The following FMN1 variants were observed in gnomAD, a reference collection of about 807,000 sequenced individuals.
FMN1 encodes the protein formin 1.
In FMN1, 110 loss-of-function variants were observed where a neutral mutation model predicts 132.4. That is an observed-to-expected ratio of 0.83 (90% confidence interval 0.71 to 0.97). FMN1 has a LOEUF of 0.97. FMN1 is among the 50% of genes least tolerant of loss of function. The probability of loss-of-function intolerance (pLI) is 0.00; values close to 1 mark genes in which losing one functional copy is unlikely to be tolerated. For synonymous variants in FMN1, 722 were observed against 651.7 expected, an observed-to-expected ratio of 1.11 and a Z score of -1.64; for missense variants, 1,792 against 1,705.3, an observed-to-expected ratio of 1.05 and a Z score of -0.90.
chr15:33,082,325 G>A (rs774458910), intron 5 of FMN1, among the ~76,000 whole-genome samples: 21 of 151,840 alleles, frequency 1.4e-4, no homozygotes, highest in Non-Finnish European at 2.1e-4. Context: ...CACCTGCCTC[G>A]GCCTCCCAAA....
chr15:33,017,589 A>G (rs7176377), intron 6 of FMN1, among the ~76,000 whole-genome samples: 2,247 of 152,346 alleles, frequency 0.015, 64 homozygotes, highest in African/African-American at 0.052. Flanking sequence ...ATATTGGACA[A>G]TAACTGGGAG....
chr15:33,016,416 T>G (rs2035048855), intron 6 of FMN1, among the ~76,000 whole-genome samples: 1 of 152,228 alleles, frequency 6.6e-6, no homozygotes, highest in South Asian at 2.1e-4. Flanking sequence ...TGCAGCCTGG[T>G]CTTGGGGCCC....
intron 4 of FMN1, among the ~76,000 whole-genome samples, chr15:33,108,308 A>G (rs1312226471): frequency 6.6e-6 from 1 of 152,124 alleles, no homozygotes; most frequent in Non-Finnish European, 1.5e-5. Context: ...ATGGAGGGGG[A>G]AAAACATAAA....
Position 33,154,009 on chromosome 15 carries a change from A to G in FMN1, c.906T>C (p.Pro302=), listed in dbSNP as rs1264229864. ...CCTTTTCTGCCTCTGGATGCTTCTC[A>G]GGGTCCTGGTGACTTTCAGACAAAC... ...QTGLSESHQD[P]EKHPEAEKDE... The change falls in exon 4 of 21, where the codon CCT becomes CCC. Residue 302 remains proline, a synonymous_variant. Coordinates refer to ENST00000616417, the MANE Select transcript of FMN1 (RefSeq NM_001277313.2). 1.0e-5 allele frequency: 16 copies of G among 1,536,412 alleles called. No homozygotes were observed. Among genetic ancestry groups the G allele is most frequent in the Non-Finnish European group, 1.4e-5 (16 of 1,147,026 alleles).
chr15:32,926,342 T>G, intron 9 of FMN1, 81 bp from the exon 10 acceptor site: 1 of 711,214 alleles, frequency 1.4e-6, no homozygotes. Flanking sequence ...AAACATTAAA[T>G]TTTTTTAGAT....
At chr15:32,837,775 C>T (rs566856839) in intron 17 of FMN1, among the ~76,000 whole-genome samples, 116 of 152,274 alleles carry the variant, frequency 7.6e-4, no homozygotes, top group Admixed American at 1.5e-3. Flanking sequence ...CAGAGTCTCA[C>T]ATATAGTAGA....
intron 19 of FMN1, among the ~76,000 whole-genome samples, chr15:32,778,437 C>G (rs186225794): frequency 8.8e-4 from 134 of 151,692 alleles, no homozygotes; most frequent in Non-Finnish European, 1.7e-3. Flanking sequence ...ACAGAAAGAA[C>G]TCTTACAATT....
intron 9 of FMN1, among the ~76,000 whole-genome samples, chr15:32,933,552 A>T (rs1359612313): frequency 6.6e-6 from 1 of 152,104 alleles, no homozygotes; most frequent in Non-Finnish European, 1.5e-5. Flanking sequence ...TACATCATTT[A>T]TCAAAAGTGG....
intron 17 of FMN1, among the ~76,000 whole-genome samples, chr15:32,847,275 T>A (rs112855948): frequency 1.1e-5 from 1 of 94,614 alleles, no homozygotes; most frequent in Non-Finnish European, 2.4e-5. Flanking sequence ...GATGTAGGGG[T>A]GTGTGTGTGT....
intron 5 of FMN1, among the ~76,000 whole-genome samples, chr15:33,069,260 C>G (rs1277969005): frequency 6.6e-6 from 1 of 152,202 alleles, no homozygotes; most frequent in African/African-American, 2.4e-5. Flanking sequence ...AGCCCTGTTT[C>G]CTAGCTGCAT....
chr15:32,954,938 G>C (rs2061731389), intron 9 of FMN1, among the ~76,000 whole-genome samples: 2 of 152,202 alleles, frequency 1.3e-5, no homozygotes, highest in South Asian at 4.2e-4. Context: ...AACCTGAGAG[G>C]TGGAGGTTGC....
At chr15:32,867,402 T>G (rs545763882) in intron 16 of FMN1, among the ~76,000 whole-genome samples, 25 of 152,294 alleles carry the variant, frequency 1.6e-4, no homozygotes, top group African/African-American at 5.3e-4. Context: ...GCTCACTTCT[T>G]CCCATTATGG....
At chr15:32,822,263 C>T (rs2058238493) in intron 17 of FMN1, among the ~76,000 whole-genome samples, 1 of 152,170 alleles carries the variant, frequency 6.6e-6, no homozygotes, top group Non-Finnish European at 1.5e-5. Flanking sequence ...GCAGGAGAAT[C>T]ACGTGAACCC....
At chr15:32,828,030 T>C (rs1314383198) in intron 17 of FMN1, among the ~76,000 whole-genome samples, 1 of 152,174 alleles carries the variant, frequency 6.6e-6, no homozygotes, top group African/African-American at 2.4e-5. Context: ...TGGTGGCTCA[T>C]GCCTGTAATC....
intron 7 of FMN1, among the ~76,000 whole-genome samples, chr15:32,995,801 G>A (rs2033733296): frequency 6.6e-6 from 1 of 152,186 alleles, no homozygotes; most frequent in South Asian, 2.1e-4. Context: ...CCCCAGATCT[G>A]TGTTTTAACT....
chr15:32,838,600 T>C (rs2058678493), intron 17 of FMN1, among the ~76,000 whole-genome samples: 1 of 152,218 alleles, frequency 6.6e-6, no homozygotes, highest in South Asian at 2.1e-4. Flanking sequence ...AAGCCCCGCT[T>C]AAAGCGGGAG....
chr15:32,990,193 C>A (rs1003134905), intron 7 of FMN1, among the ~76,000 whole-genome samples: 4 of 152,048 alleles, frequency 2.6e-5, no homozygotes, highest in African/African-American at 9.6e-5. Context: ...AAGCTTGTGG[C>A]AATAAGGGAA....
chr15:33,102,520 ATTCT>A (rs924183049), intron 4 of FMN1, among the ~76,000 whole-genome samples: 37 of 149,228 alleles, frequency 2.5e-4, no homozygotes, highest in Non-Finnish European at 4.1e-4. Context: ...ATCCTTCCTC[ATTCT>A]TTCTTCTTTT....
intron 4 of FMN1, among the ~76,000 whole-genome samples, chr15:33,148,639 C>T (rs73380674): frequency 0.042 from 6,373 of 152,260 alleles, 460 homozygotes; most frequent in African/African-American, 0.15. Context: ...AGAGGGTCCC[C>T]TCCATTAATC....
Sources: gnomAD v4.1 joint callset for allele counts (sites outside exome capture counted in the v4.1 genomes callset) on GRCh38, gnomAD v4.1.1 for gene constraint, MANE v1.5 for transcripts, NCBI Gene and HGNC (gene_info 2026-07-23, HGNC 2026-07-21) for gene names.